Variants in PPP3CA observed in about 807,000 individuals in gnomAD.
The protein encoded by PPP3CA is CAM-PRP catalytic subunit.
In PPP3CA, 14 loss-of-function variants were observed where a neutral mutation model predicts 66.5. The ratio of observed to expected loss-of-function variants is 0.21; its 90% CI spans 0.14 to 0.33. The LOEUF (loss-of-function observed/expected upper bound fraction) is 0.33. Among genes scored for constraint, PPP3CA ranks in the 10% least tolerant of loss-of-function variants. The pLI is 1.00. For synonymous variants in PPP3CA, 232 were observed against 226.2 expected, an observed-to-expected ratio of 1.03 and a Z score of -0.23; for missense variants, 317 against 639.5, an observed-to-expected ratio of 0.50 and a Z score of 5.44.
intron 2 of PPP3CA, among the ~76,000 whole-genome samples, chr4:101,159,650 T>C (rs942479742): frequency 3.3e-5 from 5 of 152,194 alleles, no homozygotes; most frequent in Admixed American, 3.3e-4. Context: ...GTAAAACTGA[T>C]TCAGAAATCC....
intron 1 of PPP3CA, among the ~76,000 whole-genome samples, chr4:101,328,976 G>T (rs527517461): frequency 1.3e-5 from 2 of 152,038 alleles, no homozygotes; most frequent in Admixed American, 1.3e-4. Context: ...TGAAAATGAG[G>T]CTTATTAATA....
At chr4:101,083,726 C>A (rs537692479) in intron 6 of PPP3CA, among the ~76,000 whole-genome samples, 25 of 152,284 alleles carry the variant, frequency 1.6e-4, no homozygotes, top group Non-Finnish European at 2.8e-4. Context: ...CATATGCTCT[C>A]TTCTGCCTCC....
intron 5 of PPP3CA, among the ~76,000 whole-genome samples, chr4:101,094,768 A>C (rs557479887): frequency 4.1e-4 from 63 of 152,306 alleles, no homozygotes; most frequent in African/African-American, 1.5e-3. Flanking sequence ...TGGAAATAAC[A>C]TATCACGATC....
intron 5 of PPP3CA, among the ~76,000 whole-genome samples, chr4:101,095,545 G>T (rs1293410856): frequency 6.6e-6 from 1 of 152,164 alleles, no homozygotes; most frequent in East Asian, 1.9e-4. Flanking sequence ...AAGTCCTAGG[G>T]ATATTAGGTG....
intron 1 of PPP3CA, among the ~76,000 whole-genome samples, chr4:101,281,061 G>C (rs527556381): frequency 5.3e-5 from 8 of 152,136 alleles, no homozygotes; most frequent in African/African-American, 4.8e-5. Context: ...TGTGTTCCGG[G>C]AGAGACAGTG....
At chr4:101,282,244 G>A (rs1016837680) in intron 1 of PPP3CA, among the ~76,000 whole-genome samples, 2 of 152,056 alleles carry the variant, frequency 1.3e-5, no homozygotes, top group African/African-American at 2.4e-5. Context: ...CCTACCTAGA[G>A]GCCCCTGCAA....
chr4:101,183,432 C>G (rs1724305301), intron 2 of PPP3CA, among the ~76,000 whole-genome samples: 1 of 152,094 alleles, frequency 6.6e-6, no homozygotes, highest in South Asian at 2.1e-4. Context: ...GAAATTTAGT[C>G]TTCAGCTGAG....
chr4:101,316,838 G>A (rs553521600), intron 1 of PPP3CA, among the ~76,000 whole-genome samples: 3 of 152,284 alleles, frequency 2.0e-5, no homozygotes, highest in South Asian at 4.1e-4. Context: ...CTTCTTGGCT[G>A]TGCTTTCACT....
intron 3 of PPP3CA, 52 bp from the exon 4 acceptor site, chr4:101,099,774 G>T: frequency 1.1e-6 from 1 of 938,202 alleles, no homozygotes; most frequent in African/African-American, 1.8e-5. Context: ...TAACACTTAT[G>T]CATTTCATTG....
chr4:101,218,116 G>A (rs1013337025), intron 1 of PPP3CA, among the ~76,000 whole-genome samples: 2 of 151,988 alleles, frequency 1.3e-5, no homozygotes, highest in Non-Finnish European at 1.5e-5. Context: ...TAAACTTGAT[G>A]GAAGAATAAA....
intron 3 of PPP3CA, among the ~76,000 whole-genome samples, chr4:101,107,282 A>C (rs954306034): frequency 6.6e-6 from 1 of 152,216 alleles, no homozygotes; most frequent in South Asian, 2.1e-4. Flanking sequence ...TTAATAATCC[A>C]TTTAAATTAC....
At chr4:101,281,263 G>C (rs1727675886) in intron 1 of PPP3CA, among the ~76,000 whole-genome samples, 1 of 152,198 alleles carries the variant, frequency 6.6e-6, no homozygotes, top group Admixed American at 6.5e-5. Context: ...AATTCTTTTG[G>C]AGAGTTTTGC....
chr4:101,158,105 T>C (rs1723384471), intron 2 of PPP3CA: 1 of 152,116 alleles, frequency 6.6e-6, no homozygotes, highest in Admixed American at 6.6e-5. Context: ...GAAAGACAAA[T>C]ATTCTGTGAA....
intron 1 of PPP3CA, among the ~76,000 whole-genome samples, chr4:101,255,014 TAAG>T: frequency 1.5e-5 from 1 of 68,402 alleles, no homozygotes; most frequent in East Asian, 3.4e-4. Context: ...ACAATAAACA[TAAG>T]AAGCATGAGT....
intron 1 of PPP3CA, chr4:101,250,301 G>T (rs984582499): frequency 2.2e-6 from 1 of 454,628 alleles, no homozygotes; most frequent in Non-Finnish European, 4.4e-6. Context: ...ACTAATCCAA[G>T]CTCTACTTCT....
intron 6 of PPP3CA, 65 bp downstream of exon 6, chr4:101,093,711 A>T: frequency 7.0e-7 from 1 of 1,437,370 alleles, no homozygotes; most frequent in Non-Finnish European, 9.3e-7. Context: ...AATCAAACAC[A>T]TGGACTGATA....
intron 2 of PPP3CA, among the ~76,000 whole-genome samples, chr4:101,140,332 A>G (rs1334405319): frequency 6.6e-6 from 1 of 152,148 alleles, no homozygotes; most frequent in Non-Finnish European, 1.5e-5. Context: ...TAATGACTTA[A>G]TAATATTATC....
At chr4:101,325,179 T>C (rs1340038049) in intron 1 of PPP3CA, among the ~76,000 whole-genome samples, 2 of 152,230 alleles carry the variant, frequency 1.3e-5, no homozygotes, top group African/African-American at 2.4e-5. Flanking sequence ...CAAGTGATTG[T>C]AATGTGTGAC....
intron 2 of PPP3CA, among the ~76,000 whole-genome samples, chr4:101,110,998 AAT>A (rs1366718590): frequency 2.0e-5 from 3 of 152,198 alleles, no homozygotes; most frequent in Admixed American, 2.0e-4. Context: ...TTAAAAACTT[AAT>A]TAGCACATTT....
Sources: gnomAD v4.1 joint callset for allele counts (sites outside exome capture counted in the v4.1 genomes callset) on GRCh38, gnomAD v4.1.1 for gene constraint, MANE v1.5 for transcripts, NCBI Gene and HGNC (gene_info 2026-07-23, HGNC 2026-07-21) for gene names.